Variants in CAMK2G observed in about 807,000 individuals in gnomAD.
CAMK2G encodes the protein calcium/calmodulin dependent protein kinase II gamma.
In CAMK2G, 23 loss-of-function variants were observed where a neutral mutation model predicts 88.7. The observed-to-expected ratio is 0.26, with a 90% confidence interval of 0.19 to 0.37. The LOEUF (loss-of-function observed/expected upper bound fraction) is 0.37, where lower values mean the gene tolerates loss of function less well. Among genes scored for constraint, CAMK2G ranks in the 10% least tolerant of loss-of-function variants. CAMK2G has a pLI of 1.00. For missense variants in CAMK2G, 476 were observed against 780.8 expected (o/e 0.61, Z 4.65); for synonymous variants, 263 against 294.8 (o/e 0.89, Z 1.11).
intron 3 of CAMK2G, among the ~76,000 whole-genome samples, chr10:73,855,731 C>A (rs1015039824): frequency 2.0e-5 from 3 of 152,236 alleles, no homozygotes; most frequent in African/African-American, 7.2e-5. Context: ...GAAGACTAAT[C>A]CTTCTAGGCC....
intron 1 of CAMK2G, chr10:73,873,496 G>A (rs1270744735): frequency 2.0e-6 from 2 of 1,021,478 alleles, no homozygotes; most frequent in African/African-American, 3.4e-5. Flanking sequence ...GGTCGGGGAA[G>A]GAAAGATTAA....
chr10:73,833,600 C>CTTT (rs60516273), intron 14 of CAMK2G, among the ~76,000 whole-genome samples: 18 of 143,866 alleles, frequency 1.3e-4, no homozygotes, highest in Non-Finnish European at 1.8e-4. Flanking sequence ...ATCTATCTTC[C>CTTT]TTTTTTTTTT....
At chr10:73,868,670 C>G (rs2095685552) in intron 2 of CAMK2G, among the ~76,000 whole-genome samples, 1 of 152,168 alleles carries the variant, frequency 6.6e-6, no homozygotes, top group Non-Finnish European at 1.5e-5. Flanking sequence ...TTCTCCCACT[C>G]CCTGCATTAC....
At position 73,837,247 on chromosome 10, in the gene CAMK2G, TC is replaced by T. The variant is rs1049017198; in HGVS notation, c.1053+220del. The T allele has an allele frequency of 6.7e-6, 4 of 601,032 alleles. No individual in the cohort carries two copies. The African/African-American group carries it at 7.4e-5, about 11-fold the overall frequency. 37.2% of individuals were successfully genotyped at this position (601,032 alleles called of 1,614,324 possible). ...GGTATAAACTATGATTTGGATCACTTCCCCTGAGTCATTCCCATCCAGCTAG... is the reference window on the plus strand; with the variant it reads ...GGTATAAACTATGATTTGGATCACTTCCCTGAGTCATTCCCATCCAGCTAG... On this transcript the variant is annotated intron_variant, in intron 14 of 22. Coordinates refer to ENST00000423381, the MANE Select transcript of CAMK2G (RefSeq NM_001367534.1).
chr10:73,825,164 T>C (rs2090483653), intron 16 of CAMK2G, 115 bp downstream of exon 16: 2 of 796,342 alleles, frequency 2.5e-6, no homozygotes, highest in East Asian at 2.4e-5. Flanking sequence ...GTCAGTTCTA[T>C]GGGGACCAAG....
At chr10:73,822,507 T>TA (rs963782753) in intron 17 of CAMK2G, among the ~76,000 whole-genome samples, 1 of 152,180 alleles carries the variant, frequency 6.6e-6, no homozygotes, top group African/African-American at 2.4e-5. Context: ...AGTGGTGTTT[T>TA]AAAGTGTCAA....
At chr10:73,820,502 T>A (rs1485173644) in intron 18 of CAMK2G, among the ~76,000 whole-genome samples, 3 of 121,848 alleles carry the variant, frequency 2.5e-5, no homozygotes, top group South Asian at 5.7e-4. Flanking sequence ...ATTTTTTTTT[T>A]TTTTTTTTTC....
intron 20 of CAMK2G, 46 bp from the exon 21 acceptor site, chr10:73,817,163 G>C (rs375093122): frequency 6.4e-7 from 1 of 1,559,926 alleles, no homozygotes; most frequent in Admixed American, 2.0e-5. Context: ...TCTATGGAGT[G>C]ACTTGTCTTC....
At chr10:73,829,700 G>GGGGGGT (rs1265867895) in intron 14 of CAMK2G, among the ~76,000 whole-genome samples, 1 of 138,370 alleles carries the variant, frequency 7.2e-6, no homozygotes, top group Non-Finnish European at 1.6e-5. Context: ...TAAGTAGTGG[G>GGGGGGT]GTGTGTGTGT....
intron 2 of CAMK2G, among the ~76,000 whole-genome samples, chr10:73,863,520 T>A (rs1214031080): frequency 6.6e-6 from 1 of 152,268 alleles, no homozygotes; most frequent in East Asian, 1.9e-4. Flanking sequence ...CCCACGGCCC[T>A]CTCTCTGGGC....
At chr10:73,826,999 C>G (rs2091155971) in intron 15 of CAMK2G, among the ~76,000 whole-genome samples, 1 of 152,192 alleles carries the variant, frequency 6.6e-6, no homozygotes, top group African/African-American at 2.4e-5. Context: ...GCTCTGCTGT[C>G]TCTCATTCCC....
chr10:73,870,526 C>T (rs1477533756), intron 2 of CAMK2G, among the ~76,000 whole-genome samples: 1 of 152,218 alleles, frequency 6.6e-6, no homozygotes, highest in Non-Finnish European at 1.5e-5. Flanking sequence ...TCCCTGACTC[C>T]TAGCCACCTC....
chr10:73,867,964 G>A (rs1014471737), intron 2 of CAMK2G, among the ~76,000 whole-genome samples: 1 of 152,136 alleles, frequency 6.6e-6, no homozygotes, highest in African/African-American at 2.4e-5. Context: ...TTTCCCCAGC[G>A]GTCCTGCGGC....
intron 2 of CAMK2G, among the ~76,000 whole-genome samples, chr10:73,865,396 C>G (rs1426242559): frequency 6.6e-6 from 1 of 152,234 alleles, no homozygotes; most frequent in South Asian, 2.1e-4. Flanking sequence ...CATCCACAAG[C>G]TCTCCTCAAT....
chr10:73,830,631 G>A (rs2092286496), intron 14 of CAMK2G, among the ~76,000 whole-genome samples: 1 of 152,076 alleles, frequency 6.6e-6, no homozygotes, highest in South Asian at 2.1e-4. Context: ...AGATAGGATG[G>A]CCATTCTGGC....
intron 10 of CAMK2G, among the ~76,000 whole-genome samples, chr10:73,845,974 C>T (rs974451835): frequency 4.1e-5 from 6 of 147,930 alleles, no homozygotes; most frequent in African/African-American, 1.5e-4. Context: ...AATGACTATT[C>T]ACAGGTGCAA....
chr10:73,862,294 T>TCCCCC (rs2095413159), intron 2 of CAMK2G, among the ~76,000 whole-genome samples: 1 of 46,464 alleles, frequency 2.2e-5, no homozygotes, highest in Non-Finnish European at 4.0e-5. Context: ...TCCCTCCTAC[T>TCCCCC]CCACCCCCCC....
Position 73,862,422 on chromosome 10 carries a change from G to A in CAMK2G, c.161-1533C>T, listed in dbSNP as rs952874723. ...ACCTTTCCAGGTAGTGCTTTCTAGA[G>A]TTCTTTCTGTAAACAGGGGCTTAAT... On this transcript the variant is annotated intron_variant, in intron 2 of 22. Transcript: ENST00000423381. Among the ~76,000 whole-genome samples, 11 of 151,436 alleles carry A rather than the reference G, an allele frequency of 7.3e-5. 1 individual carries two copies. The highest frequency in any genetic ancestry group is 7.2e-4 in the Admixed American group (11 of 15,178).
intron 3 of CAMK2G, among the ~76,000 whole-genome samples, chr10:73,856,129 G>A (rs1188035890): frequency 6.6e-5 from 10 of 152,230 alleles, no homozygotes; most frequent in African/African-American, 2.4e-4. Flanking sequence ...AGCTGTCCGT[G>A]TGCCGGCATC....
Sources: allele counts gnomAD v4.1 joint callset (sites outside exome capture counted in the v4.1 genomes callset), GRCh38; gene constraint gnomAD v4.1.1; transcripts MANE v1.5; gene names NCBI Gene and HGNC (gene_info 2026-07-23, HGNC 2026-07-21).